FRAS1: variants seen among roughly 807,000 people sequenced by gnomAD.
FRAS1 encodes the protein extracellular matrix organizing protein FRAS1.
Under a neutral mutation model 435.2 loss-of-function variants are expected in FRAS1, and 290 were observed. The ratio of observed to expected loss-of-function variants is 0.67; its 90% CI spans 0.61 to 0.73. The LOEUF (loss-of-function observed/expected upper bound fraction) is 0.73, where lower values mean the gene tolerates loss of function less well. Among genes scored for constraint, FRAS1 ranks in the 30% least tolerant of loss-of-function variants. FRAS1 has a pLI of 0.00. For synonymous variants in FRAS1, 1,800 were observed against 1,851.0 expected, an observed-to-expected ratio of 0.97 and a Z score of 0.71; for missense variants, 4,860 against 5,001.5, an observed-to-expected ratio of 0.97 and a Z score of 0.85.
intron 31 of FRAS1, among the ~76,000 whole-genome samples, chr4:78,411,790 C>A (rs530536724): frequency 6.6e-6 from 1 of 152,120 alleles, no homozygotes; most frequent in Non-Finnish European, 1.5e-5. Context: ...CGCACCCCTC[C>A]GCCACCCCTT....
At chr4:78,080,346 T>C (rs1180786854) in intron 2 of FRAS1, among the ~76,000 whole-genome samples, 3 of 152,140 alleles carry the variant, frequency 2.0e-5, no homozygotes, top group Non-Finnish European at 4.4e-5. Flanking sequence ...GATAAGAGGC[T>C]GATGTGCTCA....
chr4:78,219,426 A>G (rs1723948140), intron 2 of FRAS1, among the ~76,000 whole-genome samples: 1 of 152,214 alleles, frequency 6.6e-6, no homozygotes, highest in South Asian at 2.1e-4. Flanking sequence ...CACAAATAAT[A>G]TATTTCCTAA....
intron 2 of FRAS1, among the ~76,000 whole-genome samples, chr4:78,204,239 G>T (rs568973803): frequency 1.3e-5 from 2 of 152,240 alleles, no homozygotes; most frequent in South Asian, 2.1e-4. Flanking sequence ...TAAGAGCAGT[G>T]GTTCAATATT....
At chr4:78,339,755 T>C (rs1450736985) in intron 20 of FRAS1, among the ~76,000 whole-genome samples, 1 of 152,194 alleles carries the variant, frequency 6.6e-6, no homozygotes, top group Non-Finnish European at 1.5e-5. Context: ...TATAGAAAGT[T>C]CAAAGTTTCA....
In FRAS1 at chr4:78,194,207, T is replaced by C. The variant is rs1722691628; in HGVS notation, c.109-43303T>C. Reference sequence around the variant, plus strand: ...TTTCTCTCTGGCTGCCCTTAAGATTTTTTCCTTCATTTCAACTTTGGTGAA... The same window carrying C: ...TTTCTCTCTGGCTGCCCTTAAGATTCTTTCCTTCATTTCAACTTTGGTGAA... On this transcript the variant is annotated intron_variant, in intron 2 of 73. Coordinates refer to ENST00000512123, the MANE Select transcript of FRAS1 (RefSeq NM_025074.7). Among the ~76,000 whole-genome samples, 11 of 152,326 alleles carry C rather than the reference T, an allele frequency of 7.2e-5. 1 individual carries two copies. In the South Asian group the frequency reaches 2.1e-3, roughly 29 times the overall value.
chr4:78,252,430 C>T lies in FRAS1; in HGVS notation c.348C>T (p.Cys116=). 1 of 1,613,528 alleles carries T rather than the reference C, an allele frequency of 6.2e-7. No homozygotes were observed. The highest frequency in any genetic ancestry group is 1.3e-5 in the African/African-American group (1 of 74,894). Residue 116 remains cysteine, a synonymous_variant, in exon 5 of 74, where the codon TGC becomes TGT. Coordinates refer to ENST00000512123, the MANE Select transcript of FRAS1 (RefSeq NM_025074.7). ...TEWASSPCSV[C]SCNHGEVRCT... ...GGGCCTCTTCTCCATGTAGTGTGTG[C>T]TCTTGCAATCATGGGGAAGTCCGAT...
rs1435625520 is a variant in FRAS1, at chr4:78,445,618, A to G, written c.5762A>G (p.His1921Arg). ...ENYIYYFQSVHESIEPTHDIF... is the reference protein window; with the variant it reads ...ENYIYYFQSVRESIEPTHDIF... ...TACATTTACTACTTTCAGAGTGTTC[A>G]TGAAAGCATTGAGCCAACCCATGAT... Residue 1921 changes from histidine (H) to arginine (R), a missense_variant, in exon 42 of 74, where the codon CAT (histidine) becomes CGT (arginine). Physicochemically the swap from His to Arg is conservative, Grantham distance 29 (BLOSUM62 0). Coordinates refer to ENST00000512123, the MANE Select transcript of FRAS1 (RefSeq NM_025074.7). 6.2e-7 allele frequency: 1 copy of G among 1,613,802 alleles called. No homozygotes were observed. Among genetic ancestry groups the G allele is most frequent in the African/African-American group, 1.3e-5 (1 of 74,928 alleles).
intron 66 of FRAS1, among the ~76,000 whole-genome samples, chr4:78,517,670 T>C (rs977655418): frequency 7.9e-5 from 12 of 152,238 alleles, no homozygotes; most frequent in South Asian, 4.1e-4. Flanking sequence ...ATTGTACTAA[T>C]AATCTCAACA....
At chr4:78,126,295 G>A (rs1339088887) in intron 2 of FRAS1, among the ~76,000 whole-genome samples, 2 of 152,136 alleles carry the variant, frequency 1.3e-5, no homozygotes, top group Non-Finnish European at 2.9e-5. Context: ...TCTCCTCCAG[G>A]TACAGTCACT....
chr4:78,095,160 A>T (rs1024376146), intron 2 of FRAS1, among the ~76,000 whole-genome samples: 1 of 152,250 alleles, frequency 6.6e-6, no homozygotes, highest in African/African-American at 2.4e-5. Context: ...TTTTGTATTT[A>T]AAAATGTTGA....
At chr4:78,169,703 G>A (rs1721473648) in intron 2 of FRAS1, among the ~76,000 whole-genome samples, 2 of 152,030 alleles carry the variant, frequency 1.3e-5, no homozygotes, top group Non-Finnish European at 1.5e-5. Context: ...CTACTTAACA[G>A]CACCATTTTT....
rs115627118 is a variant in FRAS1, at chr4:78,525,326, C to T, written c.10809-1215C>T. 8.3e-3 allele frequency among the ~76,000 whole-genome samples: 1,267 copies of T among 152,302 alleles called. 21 individuals carry two copies. The highest frequency in any genetic ancestry group is 0.029 in the African/African-American group (1,211 of 41,580). On this transcript the variant is annotated intron_variant, in intron 69 of 73. Transcript: ENST00000512123. ...AATTTAAATATGGTATACAAAGTCT[C>T]ATTTCCTGCTGATCCAAGCTTTGAA...
chr4:78,387,043 T>G (rs751342246), intron 28 of FRAS1, among the ~76,000 whole-genome samples: 2 of 152,140 alleles, frequency 1.3e-5, no homozygotes, highest in Non-Finnish European at 2.9e-5. Flanking sequence ...TCCAAAAATT[T>G]CATACCTCTT....
intron 2 of FRAS1, among the ~76,000 whole-genome samples, chr4:78,123,567 C>T (rs1038705429): frequency 2.0e-5 from 3 of 152,114 alleles, no homozygotes; most frequent in African/African-American, 7.2e-5. Context: ...TTATTTTGGG[C>T]AGTAAGGCCA....
intron 2 of FRAS1, among the ~76,000 whole-genome samples, chr4:78,114,938 C>T (rs373296443): frequency 2.6e-5 from 4 of 152,044 alleles, no homozygotes; most frequent in Non-Finnish European, 5.9e-5. Context: ...CCAGTTTTTG[C>T]CCATTCAGTA....
intron 2 of FRAS1, among the ~76,000 whole-genome samples, chr4:78,139,779 A>C (rs1405152985): frequency 6.6e-6 from 1 of 152,214 alleles, no homozygotes; most frequent in Non-Finnish European, 1.5e-5. Flanking sequence ...AATTATGCTA[A>C]ATAGTGCATC....
intron 2 of FRAS1, among the ~76,000 whole-genome samples, chr4:78,113,864 T>G (rs994633918): frequency 2.0e-5 from 3 of 152,234 alleles, no homozygotes; most frequent in Non-Finnish European, 1.5e-5. Flanking sequence ...TGGCTTTTGT[T>G]GCCATTGCTT....
At position 78,475,554 on chromosome 4, in the gene FRAS1, C is replaced by A; in HGVS notation, c.7799C>A (p.Ser2600Tyr). ...GAGCAAGGCACCGCCAGCTCCAGCT[C>A]CAGGGTCAGCTCCCAACCTGGGCAA... is the stretch of plus-strand genomic sequence containing the variant. ...RTEQGTASSS[S>Y]RVSSQPGQQD... Residue 2600 changes from serine to tyrosine, a missense_variant, in exon 54 of 74, where the codon TCC becomes TAC. By Grantham distance (144) the Ser-to-Tyr change is moderately radical. Transcript: ENST00000512123. The A allele has an allele frequency of 3.7e-6, 6 of 1,613,510 alleles. No individual in the cohort carries two copies. The highest frequency in any genetic ancestry group is 5.1e-6 in the Non-Finnish European group (6 of 1,179,618).
chr4:78,410,927 G>T (rs1733308901), intron 31 of FRAS1, among the ~76,000 whole-genome samples: 1 of 152,074 alleles, frequency 6.6e-6, no homozygotes, highest in Non-Finnish European at 1.5e-5. Flanking sequence ...CTAATATTTT[G>T]ATTTGAAATG....
Sources: gnomAD v4.1 joint callset for allele counts (sites outside exome capture counted in the v4.1 genomes callset) on GRCh38, gnomAD v4.1.1 for gene constraint, MANE v1.5 for transcripts, NCBI Gene and HGNC (gene_info 2026-07-23, HGNC 2026-07-21) for gene names.